The following LIN9 variants were observed in gnomAD, a reference collection of about 807,000 sequenced individuals.
LIN9 encodes protein lin-9 homolog.
A neutral mutation model predicts 78.0 loss-of-function variants in LIN9; 18 were observed. That is an observed-to-expected ratio of 0.23 (90% CI 0.16 to 0.34). LIN9 has a LOEUF of 0.34. LIN9 is among the 10% of genes least tolerant of loss of function. The pLI is 1.00. For missense variants in LIN9, 451 were observed against 644.1 expected, an observed-to-expected ratio of 0.70 and a Z score of 3.25; for synonymous variants, 192 against 215.2, an observed-to-expected ratio of 0.89 and a Z score of 0.94.
chr1:226,287,842 A>G (rs770870423), intron 4 of LIN9, 45 bp from the exon 5 acceptor site: 2 of 1,370,304 alleles, frequency 1.5e-6, no homozygotes, highest in Non-Finnish European at 2.0e-6. Flanking sequence ...CCATTAAGTA[A>G]AAATGAACAT....
intron 7 of LIN9, among the ~76,000 whole-genome samples, chr1:226,269,894 C>A (rs1558180760): frequency 1.3e-5 from 2 of 152,092 alleles, no homozygotes; most frequent in African/African-American, 2.4e-5. Flanking sequence ...TTGAGCATAA[C>A]CTCTGTTCAA....
At chr1:226,283,276 GA>G (rs1661181589) in intron 6 of LIN9, among the ~76,000 whole-genome samples, 1 of 107,598 alleles carries the variant, frequency 9.3e-6, no homozygotes, top group Non-Finnish European at 1.9e-5. Flanking sequence ...GGTAATTTTT[GA>G]ATTTTTTTTT....
intron 10 of LIN9, among the ~76,000 whole-genome samples, chr1:226,261,224 G>A (rs1348327413): frequency 6.6e-6 from 1 of 151,784 alleles, no homozygotes; most frequent in Non-Finnish European, 1.5e-5. Context: ...CTAAGATCAG[G>A]AAGAAGGCAA....
chr1:226,238,636 T>A (rs1870927), intron 12 of LIN9, among the ~76,000 whole-genome samples: 99,798 of 150,820 alleles, frequency 0.66, 33,077 homozygotes, highest in East Asian at 0.74. Flanking sequence ...TCAAAAAAAA[T>A]AAATAAATAA....
intron 1 of LIN9, chr1:226,308,796 C>T (rs1663090189): frequency 4.9e-6 from 1 of 202,522 alleles, no homozygotes; most frequent in Non-Finnish European, 9.9e-6. Context: ...AGGGGCCGCT[C>T]TTCCCTCCAC....
At chr1:226,290,490 G>A (rs369615696) in intron 4 of LIN9, among the ~76,000 whole-genome samples, 4 of 151,818 alleles carry the variant, frequency 2.6e-5, no homozygotes, top group African/African-American at 7.3e-5. Context: ...ACAGGCGCCC[G>A]CCACCACGCC....
chr1:226,248,975 G>A (rs761569942), intron 11 of LIN9, among the ~76,000 whole-genome samples: 12 of 152,048 alleles, frequency 7.9e-5, no homozygotes, highest in Non-Finnish European at 1.5e-4. Flanking sequence ...ATACAAATTC[G>A]TTTTACACTG....
intron 1 of LIN9, among the ~76,000 whole-genome samples, chr1:226,305,979 T>C (rs1207949987): frequency 6.6e-6 from 1 of 152,020 alleles, no homozygotes; most frequent in East Asian, 1.9e-4. Context: ...GATAGATATT[T>C]AGAAGGTAAA....
Position 226,309,104 on chromosome 1 carries a change from C to T in LIN9, c.31+5G>A. 1 of 1,318,388 alleles carries T rather than the reference C, an allele frequency of 7.6e-7. No individual in the cohort carries two copies. The highest frequency in any genetic ancestry group is 9.8e-7 in the Non-Finnish European group (1 of 1,023,648). 81.7% of individuals were successfully genotyped at this position (1,318,388 alleles called of 1,614,324 possible). On this transcript the variant is annotated splice_donor_5th_base_variant and intron_variant, in intron 1 of 14. Transcript: ENST00000681046. ...AAGGGGGGGGTGCTTTGAGGTGCTA[C>T]TCACTCTCGTCAGGCAACTGGTCGA...
intron 11 of LIN9, among the ~76,000 whole-genome samples, chr1:226,239,476 A>C (rs935062932): frequency 6.6e-6 from 1 of 152,232 alleles, no homozygotes; most frequent in Non-Finnish European, 1.5e-5. Context: ...AAATCAATTG[A>C]CGCTGTACCT....
chr1:226,268,752 G>C (rs773886683), intron 7 of LIN9, among the ~76,000 whole-genome samples: 1 of 152,196 alleles, frequency 6.6e-6, no homozygotes, highest in African/African-American at 2.4e-5. Context: ...TTCCCTGGTA[G>C]ACAACACTTA....
At chr1:226,306,803 C>T (rs1198086142) in intron 1 of LIN9, among the ~76,000 whole-genome samples, 1 of 152,086 alleles carries the variant, frequency 6.6e-6, no homozygotes, top group East Asian at 1.9e-4. Flanking sequence ...AATCGCTTTT[C>T]CTTTTCAAGA....
chr1:226,252,086 C>T (rs1249282097), intron 10 of LIN9, among the ~76,000 whole-genome samples: 1 of 151,926 alleles, frequency 6.6e-6, no homozygotes. Context: ...TAGCTGGGAT[C>T]GTGAGTCTAG....
chr1:226,256,954 A>AT (rs1272765430), intron 10 of LIN9, among the ~76,000 whole-genome samples: 9 of 151,468 alleles, frequency 5.9e-5, no homozygotes, highest in Non-Finnish European at 1.3e-4. Flanking sequence ...GTAAGAAATG[A>AT]TTTTTTTCTT....
At position 226,309,130 on chromosome 1, in the gene LIN9, G is replaced by A. The variant is rs748691443; in HGVS notation, c.10C>T (p.Leu4Phe). 40 of 1,346,418 alleles carry A rather than the reference G, an allele frequency of 3.0e-5. No homozygotes were observed. Among genetic ancestry groups the A allele is most frequent in the Non-Finnish European group, 3.7e-5 (38 of 1,036,320 alleles). The allele number at this position is 1,346,418 out of a possible 1,614,324, so 83.4% of individuals were successfully genotyped here. MAELDQLPDESSSA... is the reference protein window; with the variant it reads MAEFDQLPDESSSA... ...TCACTCTCGTCAGGCAACTGGTCGA[G>A]CTCCGCCATCTTGAACGAGCCGCGC... Residue 4 changes from leucine to phenylalanine, a missense_variant, in exon 1 of 15, where the codon CTC becomes TTC. Leu to Phe is a conservative substitution (Grantham distance 22, BLOSUM62 0). Coordinates refer to ENST00000681046, the MANE Select transcript of LIN9 (RefSeq NM_001366245.2).
Position 226,249,722 on chromosome 1 carries a change from C to T in LIN9, c.1119+1117G>A, listed in dbSNP as rs182187652. ...GCCCCTTGAGCACAGTCAGAGCCCT[C>T]CCTTTCAGACTTCTATACAGTCATT... On this transcript the variant is annotated intron_variant, in intron 11 of 14. Coordinates refer to ENST00000681046, the MANE Select transcript of LIN9 (RefSeq NM_001366245.2). 3.8e-4 allele frequency among the ~76,000 whole-genome samples: 58 copies of T among 152,284 alleles called. 1 individual carries two copies. In the East Asian group the frequency reaches 0.011, roughly 28 times the overall value.
intron 2 of LIN9, among the ~76,000 whole-genome samples, chr1:226,298,494 C>T (rs1330699171): frequency 2.6e-5 from 4 of 152,228 alleles, no homozygotes; most frequent in African/African-American, 4.8e-5. Flanking sequence ...AGGCATGAGC[C>T]ACCAGGCCAG....
intron 10 of LIN9, among the ~76,000 whole-genome samples, chr1:226,261,810 C>T (rs150842234): frequency 2.4e-4 from 36 of 152,122 alleles, no homozygotes; most frequent in African/African-American, 8.4e-4. Context: ...CTACTATAGC[C>T]AACACAATAT....
chr1:226,235,338 AAAAAAG>A (rs1317583912), intron 12 of LIN9, among the ~76,000 whole-genome samples: 1 of 151,116 alleles, frequency 6.6e-6, no homozygotes, highest in African/African-American at 2.4e-5. Flanking sequence ...AAAAAAAAAA[AAAAAAG>A]AGTTTCAGGA....
Sources: allele counts gnomAD v4.1 joint callset (sites outside exome capture counted in the v4.1 genomes callset), GRCh38; gene constraint gnomAD v4.1.1; transcripts MANE v1.5; gene names NCBI Gene and HGNC (gene_info 2026-07-23, HGNC 2026-07-21).